Variants in KCNH8 observed in about 807,000 individuals in gnomAD.
The protein encoded by KCNH8 is potassium voltage-gated channel subfamily H member 8, also known as voltage-gated delayed rectifier potassium channel KCNH8.
In KCNH8, 70 loss-of-function variants were observed where a neutral mutation model predicts 103.6. The ratio of observed to expected loss-of-function variants is 0.68; its 90% CI spans 0.56 to 0.82. KCNH8 has a LOEUF of 0.82. Ranked by LOEUF, KCNH8 falls within the 40% of genes least tolerant of loss-of-function variation. The probability of loss-of-function intolerance (pLI) is 0.00; values close to 1 mark genes in which losing one functional copy is unlikely to be tolerated. For synonymous variants in KCNH8, 498 were observed against 489.4 expected (o/e 1.02, Z -0.23); for missense variants, 1,217 against 1,329.9 (o/e 0.92, Z 1.32).
intron 1 of KCNH8, among the ~76,000 whole-genome samples, chr3:19,158,478 A>G: frequency 6.6e-6 from 1 of 151,842 alleles, no homozygotes; most frequent in East Asian, 1.9e-4. Flanking sequence ...TCTAATTGAA[A>G]AAAATCCTGA....
Position 19,250,654 on chromosome 3 carries a change from C to T in KCNH8, c.77-3000C>T, listed in dbSNP as rs541168854. 1.6e-4 allele frequency among the ~76,000 whole-genome samples: 24 copies of T among 152,268 alleles called. No individual in the cohort carries two copies. In the South Asian group the frequency reaches 3.1e-3, roughly 20 times the overall value. On this transcript the variant is annotated intron_variant, in intron 1 of 15. Transcript: ENST00000328405. ...TTCTAGGACTTATGATAGACCATCT[C>T]GATCTATTTTTGTCTTATTCCAACC...
intron 5 of KCNH8, among the ~76,000 whole-genome samples, chr3:19,367,175 A>T (rs2066023446): frequency 6.6e-6 from 1 of 151,862 alleles, no homozygotes; most frequent in South Asian, 2.1e-4. Flanking sequence ...CCCAGAAAAT[A>T]AAAATGGCAA....
chr3:19,461,966 T>G (rs1384282676), intron 11 of KCNH8, among the ~76,000 whole-genome samples: 1 of 152,206 alleles, frequency 6.6e-6, no homozygotes, highest in Non-Finnish European at 1.5e-5. Flanking sequence ...ACAAAGGACA[T>G]TAACTCATCC....
intron 3 of KCNH8, among the ~76,000 whole-genome samples, chr3:19,303,336 A>C (rs2065087683): frequency 6.6e-6 from 1 of 152,218 alleles, no homozygotes; most frequent in Non-Finnish European, 1.5e-5. Flanking sequence ...ATAATAGAAA[A>C]GACAGTAAGA....
At chr3:19,444,137 G>A (rs1575073553) in intron 8 of KCNH8, among the ~76,000 whole-genome samples, 2 of 152,144 alleles carry the variant, frequency 1.3e-5, no homozygotes, top group Non-Finnish European at 2.9e-5. Context: ...ATATCAAAAT[G>A]TATTTCAAAG....
intron 1 of KCNH8, among the ~76,000 whole-genome samples, chr3:19,161,420 G>A (rs1444368105): frequency 1.3e-5 from 2 of 152,028 alleles, no homozygotes; most frequent in Non-Finnish European, 2.9e-5. Flanking sequence ...TGAAAATTTT[G>A]TTCATTTTGA....
At chr3:19,418,462 T>C (rs2066895162) in intron 7 of KCNH8, among the ~76,000 whole-genome samples, 1 of 152,152 alleles carries the variant, frequency 6.6e-6, no homozygotes, top group South Asian at 2.1e-4. Flanking sequence ...TTCTAGAGAA[T>C]TTGAGAATCA....
chr3:19,447,116 A>G (rs1336734094), intron 8 of KCNH8, among the ~76,000 whole-genome samples: 4 of 152,080 alleles, frequency 2.6e-5, no homozygotes, highest in Admixed American at 6.6e-5. Context: ...TGACCTGGAT[A>G]TAGAAGTTCT....
At chr3:19,409,317 T>G (rs1424546553) in intron 7 of KCNH8, among the ~76,000 whole-genome samples, 1 of 152,038 alleles carries the variant, frequency 6.6e-6, no homozygotes, top group East Asian at 1.9e-4. Flanking sequence ...AAGCAAGCAC[T>G]AAGGGAATTT....
At chr3:19,431,984 GTC>G (rs1491423870) in intron 7 of KCNH8, among the ~76,000 whole-genome samples, 1 of 150,914 alleles carries the variant, frequency 6.6e-6, no homozygotes, top group Non-Finnish European at 1.5e-5. Context: ...GGTTTTTCGT[GTC>G]TCTACTCCTT....
chr3:19,242,388 G>A (rs2064153790), intron 1 of KCNH8, among the ~76,000 whole-genome samples: 1 of 152,116 alleles, frequency 6.6e-6, no homozygotes, highest in Admixed American at 6.5e-5. Context: ...ATGAGAATAT[G>A]ATAGAGGGGG....
intron 3 of KCNH8, among the ~76,000 whole-genome samples, chr3:19,292,040 C>G (rs1366527615): frequency 6.6e-6 from 1 of 152,182 alleles, no homozygotes; most frequent in Admixed American, 6.5e-5. Context: ...ATTTTCCAAA[C>G]ATTTTTCACA....
intron 1 of KCNH8, 135 bp downstream of exon 1, chr3:19,148,930 T>G (rs754919745): frequency 2.5e-6 from 2 of 804,266 alleles, no homozygotes; most frequent in Non-Finnish European, 4.2e-6. Flanking sequence ...GTATCTTTTG[T>G]GCGGAGAAAT....
intron 3 of KCNH8, among the ~76,000 whole-genome samples, chr3:19,337,242 G>C (rs1475053830): frequency 6.6e-6 from 1 of 151,880 alleles, no homozygotes; most frequent in South Asian, 2.1e-4. Context: ...CTTTCAGTTA[G>C]TGGAAAAACT....
At chr3:19,196,291 T>C (rs4129625) in intron 1 of KCNH8, among the ~76,000 whole-genome samples, 10,960 of 151,986 alleles carry the variant, frequency 0.072, 477 homozygotes, top group East Asian at 0.19. Context: ...TATATATTGA[T>C]AAAAGGATTA....
intron 1 of KCNH8, among the ~76,000 whole-genome samples, chr3:19,213,837 TGTGGGTAGGAGGACATCTA>T (rs768494639): frequency 2.4e-4 from 37 of 152,220 alleles, no homozygotes; most frequent in Non-Finnish European, 4.9e-4. Context: ...GTATTGGCCA[TGTGGGTAGGAGGACATCTA>T]GTGAAGTCTA....
At chr3:19,242,511 GA>G (rs1321168414) in intron 1 of KCNH8, among the ~76,000 whole-genome samples, 3 of 151,994 alleles carry the variant, frequency 2.0e-5, no homozygotes, top group Admixed American at 6.6e-5. Flanking sequence ...ATGTCTTTAG[GA>G]ATAAAAGAAA....
intron 11 of KCNH8, among the ~76,000 whole-genome samples, chr3:19,490,272 G>A (rs571803120): frequency 5.2e-4 from 79 of 152,302 alleles, no homozygotes; most frequent in Middle Eastern, 6.8e-3. Context: ...CTCAGACACC[G>A]AATTGTAGAA....
At chr3:19,521,630 A>G (rs2068972279) in intron 15 of KCNH8, among the ~76,000 whole-genome samples, 1 of 151,984 alleles carries the variant, frequency 6.6e-6, no homozygotes, top group Admixed American at 6.6e-5. Context: ...TAAGAAGAAC[A>G]TATTTGGTTA....
Sources: gnomAD v4.1 joint callset for allele counts (sites outside exome capture counted in the v4.1 genomes callset) on GRCh38, gnomAD v4.1.1 for gene constraint, MANE v1.5 for transcripts, NCBI Gene and HGNC (gene_info 2026-07-23, HGNC 2026-07-21) for gene names.